CDKAL1: variants seen among roughly 807,000 people sequenced by gnomAD.
CDKAL1 encodes threonylcarbamoyladenosine tRNA methylthiotransferase.
In CDKAL1, 32 loss-of-function variants were observed where a neutral mutation model predicts 68.2. The ratio of observed to expected loss-of-function variants is 0.47; its 90% CI spans 0.35 to 0.63. The LOEUF (loss-of-function observed/expected upper bound fraction) is 0.63, where lower values mean the gene tolerates loss of function less well. Among genes scored for constraint, CDKAL1 ranks in the 30% least tolerant of loss-of-function variants. The pLI is 0.00. For missense variants in CDKAL1, 606 were observed against 696.7 expected, an observed-to-expected ratio of 0.87 and a Z score of 1.47; for synonymous variants, 234 against 244.3, an observed-to-expected ratio of 0.96 and a Z score of 0.39.
At chr6:21,178,491 G>C (rs2151083570) in intron 13 of CDKAL1, among the ~76,000 whole-genome samples, 1 of 152,198 alleles carries the variant, frequency 6.6e-6, no homozygotes, top group African/African-American at 2.4e-5. Context: ...AAATGTGGGA[G>C]CATCATTTTT....
At chr6:20,958,899 G>GA (rs1480300380) in intron 10 of CDKAL1, among the ~76,000 whole-genome samples, 72 of 151,064 alleles carry the variant, frequency 4.8e-4, no homozygotes, top group Non-Finnish European at 8.7e-4. Flanking sequence ...CAACTTAAAA[G>GA]AAAAAAAACC....
intron 11 of CDKAL1, among the ~76,000 whole-genome samples, chr6:21,005,282 A>G (rs929519358): frequency 4.6e-5 from 7 of 152,232 alleles, no homozygotes; most frequent in African/African-American, 1.7e-4. Context: ...AACATAAACC[A>G]TGCATTAACA....
intron 8 of CDKAL1, among the ~76,000 whole-genome samples, chr6:20,826,801 A>G (rs372115873): frequency 8.7e-4 from 132 of 152,204 alleles, no homozygotes; most frequent in African/African-American, 3.1e-3. Context: ...TTATAGATTT[A>G]TGTATTTACT....
chr6:20,774,901 G>A (rs967826564), intron 7 of CDKAL1, among the ~76,000 whole-genome samples: 5 of 152,056 alleles, frequency 3.3e-5, no homozygotes, highest in African/African-American at 1.2e-4. Flanking sequence ...AATTGAATTT[G>A]GTTTTAACAG....
At chr6:20,793,845 A>G (rs1457178481) in intron 8 of CDKAL1, among the ~76,000 whole-genome samples, 1 of 147,920 alleles carries the variant, frequency 6.8e-6, no homozygotes, top group Non-Finnish European at 1.5e-5. Context: ...TAATATATAT[A>G]TACATATATA....
chr6:21,127,955 A>G (rs1441291572), intron 13 of CDKAL1, among the ~76,000 whole-genome samples: 2 of 152,186 alleles, frequency 1.3e-5, no homozygotes, highest in African/African-American at 4.8e-5. Flanking sequence ...ATTTTCTTTG[A>G]TCACTGGTTT....
At chr6:20,873,048 A>G (rs1259017956) in intron 9 of CDKAL1, among the ~76,000 whole-genome samples, 3 of 152,206 alleles carry the variant, frequency 2.0e-5, no homozygotes, top group Non-Finnish European at 2.9e-5. Context: ...TTATTTGTAG[A>G]CAAATACAGC....
At chr6:21,078,960 G>C (rs1772230590) in intron 12 of CDKAL1, among the ~76,000 whole-genome samples, 1 of 152,178 alleles carries the variant, frequency 6.6e-6, no homozygotes, top group South Asian at 2.1e-4. Flanking sequence ...CAGGAACTCA[G>C]TATGTGTTGG....
intron 11 of CDKAL1, among the ~76,000 whole-genome samples, chr6:21,056,663 C>T (rs930841094): frequency 6.6e-6 from 1 of 152,122 alleles, no homozygotes; most frequent in Non-Finnish European, 1.5e-5. Context: ...GTGGGTTTGT[C>T]ATAAATGGCT....
intron 7 of CDKAL1, among the ~76,000 whole-genome samples, chr6:20,770,820 C>G (rs1040405623): frequency 6.6e-6 from 1 of 152,138 alleles, no homozygotes; most frequent in Non-Finnish European, 1.5e-5. Flanking sequence ...AGCAGGAAAT[C>G]TAGGAAAAGG....
chr6:20,637,038 A>G (rs554142980), intron 4 of CDKAL1, among the ~76,000 whole-genome samples: 69 of 13,268 alleles, frequency 5.2e-3, no homozygotes, highest in Admixed American at 0.016. Context: ...CTCCGTCTCA[A>G]AAAAAAAAAA....
chr6:20,635,173 C>T (rs1767848219), intron 4 of CDKAL1, among the ~76,000 whole-genome samples: 1 of 152,050 alleles, frequency 6.6e-6, no homozygotes, highest in Non-Finnish European at 1.5e-5. Context: ...TCATAGGTAT[C>T]CTTACCATTT....
intron 12 of CDKAL1, among the ~76,000 whole-genome samples, chr6:21,073,495 TC>T (rs1771905676): frequency 6.6e-6 from 1 of 152,234 alleles, no homozygotes. Context: ...CTTGCCAACA[TC>T]CTTGCCAACA....
At chr6:21,124,186 T>A (rs939092062) in intron 13 of CDKAL1, among the ~76,000 whole-genome samples, 4 of 152,226 alleles carry the variant, frequency 2.6e-5, no homozygotes, top group Non-Finnish European at 5.9e-5. Context: ...TGCAAAATAC[T>A]TATCTAAACA....
intron 13 of CDKAL1, among the ~76,000 whole-genome samples, chr6:21,147,295 A>G (rs983474369): frequency 6.6e-6 from 1 of 152,226 alleles, no homozygotes; most frequent in Non-Finnish European, 1.5e-5. Context: ...CCACAACTTT[A>G]TTAGTATGTT....
At chr6:21,066,382 A>G (rs2150934560) in intron 12 of CDKAL1, among the ~76,000 whole-genome samples, 1 of 152,340 alleles carries the variant, frequency 6.6e-6, no homozygotes, top group African/African-American at 2.4e-5. Flanking sequence ...TTGTAACACC[A>G]CAAATCGTTA....
chr6:21,020,931 T>C (rs1331514378), intron 11 of CDKAL1, among the ~76,000 whole-genome samples: 2 of 152,046 alleles, frequency 1.3e-5, no homozygotes, highest in Admixed American at 1.3e-4. Context: ...GGTACTATTA[T>C]GTAAGTAAGA....
At chr6:20,817,590 T>A (rs2150435013) in intron 8 of CDKAL1, among the ~76,000 whole-genome samples, 1 of 152,302 alleles carries the variant, frequency 6.6e-6, no homozygotes, top group Admixed American at 6.5e-5. Context: ...TGGCAGACTG[T>A]TCACAACCTG....
At chr6:20,675,398 A>G (rs940045031) in intron 5 of CDKAL1, among the ~76,000 whole-genome samples, 4 of 152,166 alleles carry the variant, frequency 2.6e-5, no homozygotes, top group African/African-American at 9.7e-5. Flanking sequence ...TAAGCTTTCT[A>G]TCTCTAATTG....
Sources: gnomAD v4.1 joint callset for allele counts (sites outside exome capture counted in the v4.1 genomes callset) on GRCh38, gnomAD v4.1.1 for gene constraint, MANE v1.5 for transcripts, NCBI Gene and HGNC (gene_info 2026-07-23, HGNC 2026-07-21) for gene names.